Variants in VPS41 observed in about 807,000 individuals in gnomAD.
VPS41 encodes vacuolar protein sorting-associated protein 41 homolog.
A neutral mutation model predicts 130.9 loss-of-function variants in VPS41; 85 were observed. The ratio of observed to expected loss-of-function variants is 0.65; its 90% CI spans 0.55 to 0.78. The LOEUF (loss-of-function observed/expected upper bound fraction) is 0.78, where lower values mean the gene tolerates loss of function less well. Among genes scored for constraint, VPS41 ranks in the 30% least tolerant of loss-of-function variants. VPS41 has a pLI of 0.00. For synonymous variants in VPS41, 335 were observed against 332.9 expected, an observed-to-expected ratio of 1.01 and a Z score of -0.07; for missense variants, 874 against 1,018.7, an observed-to-expected ratio of 0.86 and a Z score of 1.93.
chr7:38,852,994 T>C (rs970392255), intron 4 of VPS41, among the ~76,000 whole-genome samples: 1 of 152,142 alleles, frequency 6.6e-6, no homozygotes, highest in Admixed American at 6.5e-5. Context: ...TTTGCTCCTA[T>C]TGCATCTCAC....
In VPS41 at chr7:38,752,158, G is replaced by C. The variant is rs200353754; in HGVS notation, c.1926+18C>G. On this transcript the variant is annotated intron_variant, in intron 22 of 28. Transcript: ENST00000310301. ...CCTCTTCATCCAAAGTGTACAAGTCGGGGAGTCTGTGCCTTACCTTTTCAA... is the reference window on the plus strand; with the variant it reads ...CCTCTTCATCCAAAGTGTACAAGTCCGGGAGTCTGTGCCTTACCTTTTCAA... 1.2e-6 allele frequency: 2 copies of C among 1,613,456 alleles called. No individual in the cohort carries two copies. Among genetic ancestry groups the C allele is most frequent in the Non-Finnish European group, 1.7e-6 (2 of 1,179,636 alleles).
chr7:38,740,351 T>G (rs1795856901), intron 25 of VPS41, among the ~76,000 whole-genome samples: 1 of 150,728 alleles, frequency 6.6e-6, no homozygotes, highest in Admixed American at 6.6e-5. Context: ...TGAAAACACT[T>G]TCACCAAAGC....
At chr7:38,800,703 G>C (rs1179708890) in intron 7 of VPS41, among the ~76,000 whole-genome samples, 2 of 152,272 alleles carry the variant, frequency 1.3e-5, no homozygotes, top group East Asian at 3.9e-4. Context: ...AAGCATGGTG[G>C]CCGGCACCTG....
chr7:38,810,232 TA>T (rs1784915890), intron 7 of VPS41, among the ~76,000 whole-genome samples: 3 of 152,076 alleles, frequency 2.0e-5, no homozygotes, highest in Admixed American at 2.0e-4. Context: ...AAACCTAAAA[TA>T]AAAGTTTATG....
At chr7:38,840,738 G>A (rs1234173285) in intron 4 of VPS41, among the ~76,000 whole-genome samples, 1 of 152,158 alleles carries the variant, frequency 6.6e-6, no homozygotes, top group East Asian at 1.9e-4. Flanking sequence ...TTAAGACGCT[G>A]AAAATTTCAG....
chr7:38,773,995 A>C, intron 12 of VPS41, 120 bp downstream of exon 12: 1 of 987,570 alleles, frequency 1.0e-6, no homozygotes, highest in South Asian at 2.0e-5. Context: ...CACACAGTCT[A>C]CGCAGGTATT....
chr7:38,781,064 G>A (rs990381196), intron 10 of VPS41, among the ~76,000 whole-genome samples: 1 of 152,144 alleles, frequency 6.6e-6, no homozygotes, highest in African/African-American at 2.4e-5. Flanking sequence ...GCAGGACTGT[G>A]AGAATTAAAC....
At chr7:38,726,617 T>C (rs1056999110) in intron 28 of VPS41, among the ~76,000 whole-genome samples, 14 of 152,202 alleles carry the variant, frequency 9.2e-5, no homozygotes, top group African/African-American at 3.4e-4. Context: ...ACACATAAGA[T>C]ACACAATGGC....
chr7:38,764,553 C>CT (rs1477627854), intron 16 of VPS41, among the ~76,000 whole-genome samples: 1 of 152,032 alleles, frequency 6.6e-6, no homozygotes, highest in Admixed American at 6.6e-5. Context: ...AAGGCATTTG[C>CT]TATGGCTCAG....
chr7:38,799,122 T>C (rs1342379265), intron 7 of VPS41, among the ~76,000 whole-genome samples: 1 of 152,084 alleles, frequency 6.6e-6, no homozygotes, highest in Non-Finnish European at 1.5e-5. Context: ...AAGCAGGCAC[T>C]CTGACAAAAG....
At chr7:38,770,572 T>G (rs1784135777) in intron 14 of VPS41, among the ~76,000 whole-genome samples, 7 of 152,158 alleles carry the variant, frequency 4.6e-5, no homozygotes, top group Admixed American at 4.6e-4. Flanking sequence ...AGAAAGAATT[T>G]GTACTGAAAC....
At chr7:38,880,806 T>G (rs56980069) in intron 2 of VPS41, among the ~76,000 whole-genome samples, 3 of 152,092 alleles carry the variant, frequency 2.0e-5, no homozygotes, top group Non-Finnish European at 4.4e-5. Context: ...AGGAATGCCT[T>G]AAAGCCTTGA....
intron 22 of VPS41, 108 bp downstream of exon 22, chr7:38,752,068 T>C: frequency 6.8e-7 from 1 of 1,481,478 alleles, no homozygotes; most frequent in Non-Finnish European, 9.2e-7. Flanking sequence ...GTCTTCCCCC[T>C]GGAAAGGGAC....
intron 22 of VPS41, among the ~76,000 whole-genome samples, chr7:38,751,485 C>T (rs1783671480): frequency 6.6e-6 from 1 of 152,180 alleles, no homozygotes; most frequent in South Asian, 2.1e-4. Flanking sequence ...ATAAAACTTA[C>T]TAGTCCTTAT....
At chr7:38,805,926 T>G (rs922178353) in intron 7 of VPS41, among the ~76,000 whole-genome samples, 3 of 152,200 alleles carry the variant, frequency 2.0e-5, no homozygotes, top group African/African-American at 4.8e-5. Context: ...GTGCTCAAAC[T>G]GACAGTAAAT....
chr7:38,829,934 C>A (rs960435957), intron 5 of VPS41, among the ~76,000 whole-genome samples: 3 of 152,206 alleles, frequency 2.0e-5, no homozygotes, highest in African/African-American at 7.2e-5. Flanking sequence ...AGACATTAAA[C>A]TACTGTCTTG....
chr7:38,795,620 T>C lies in VPS41; in HGVS notation c.571-9A>G, dbSNP rs1784604322. 3 of 1,609,356 alleles carry C rather than the reference T, an allele frequency of 1.9e-6. No individual in the cohort carries two copies. Among genetic ancestry groups the C allele is most frequent in the Non-Finnish European group, 2.5e-6 (3 of 1,177,554 alleles). On this transcript the variant is annotated splice_polypyrimidine_tract_variant and intron_variant, in intron 8 of 28. Transcript: ENST00000310301. ...TCAAAAATCTTCACACCCTGGAAAA[T>C]AATACAGCAGTAAGCATCCTCTACT...
At chr7:38,875,942 G>C (rs1482632149) in intron 2 of VPS41, among the ~76,000 whole-genome samples, 1 of 152,182 alleles carries the variant, frequency 6.6e-6, no homozygotes, top group Non-Finnish European at 1.5e-5. Flanking sequence ...TTTTCAAACA[G>C]AAAATTCAGC....
chr7:38,895,114 G>A (rs892184804), intron 2 of VPS41, among the ~76,000 whole-genome samples: 3 of 152,168 alleles, frequency 2.0e-5, no homozygotes, highest in African/African-American at 2.4e-5. Flanking sequence ...TTGAGGCCAG[G>A]AGTTTGACAC....
Sources: gnomAD v4.1 joint callset for allele counts (sites outside exome capture counted in the v4.1 genomes callset) on GRCh38, gnomAD v4.1.1 for gene constraint, MANE v1.5 for transcripts, NCBI Gene and HGNC (gene_info 2026-07-23, HGNC 2026-07-21) for gene names.